Variants in STAC observed in about 807,000 individuals in gnomAD.
The protein encoded by STAC is SH3 and cysteine-rich domain-containing protein.
In STAC, 43 loss-of-function variants were observed where a neutral mutation model predicts 48.8. The ratio of observed to expected loss-of-function variants is 0.88; its 90% CI spans 0.69 to 1.14. The LOEUF (loss-of-function observed/expected upper bound fraction) is 1.14. Ranked by LOEUF, STAC falls within the 50% of genes most tolerant of loss-of-function variation. The pLI, the probability that STAC is intolerant of heterozygous loss-of-function variation, is 0.00. For missense variants in STAC, 497 were observed against 504.0 expected, an observed-to-expected ratio of 0.99 and a Z score of 0.13; for synonymous variants, 193 against 179.5, an observed-to-expected ratio of 1.07 and a Z score of -0.60.
At chr3:36,419,674 A>G (rs984780895) in intron 1 of STAC, among the ~76,000 whole-genome samples, 7 of 152,286 alleles carry the variant, frequency 4.6e-5, no homozygotes, top group African/African-American at 1.7e-4. Context: ...AGAGCAGACA[A>G]TGGTTTATAA....
chr3:36,524,379 G>A (rs1177130229), intron 8 of STAC, among the ~76,000 whole-genome samples: 5 of 152,088 alleles, frequency 3.3e-5, no homozygotes, highest in Non-Finnish European at 5.9e-5. Flanking sequence ...AGATCATGAG[G>A]TCAGGAGTTC....
intron 1 of STAC, among the ~76,000 whole-genome samples, chr3:36,410,405 ATTCT>A (rs1320237574): frequency 6.6e-6 from 1 of 152,132 alleles, no homozygotes; most frequent in Non-Finnish European, 1.5e-5. Context: ...CTTTATGAGG[ATTCT>A]TTCTTTAAAT....
chr3:36,484,919 T>A, intron 3 of STAC, 58 bp from the exon 4 acceptor site: 1 of 1,419,210 alleles, frequency 7.0e-7, no homozygotes, highest in Non-Finnish European at 9.6e-7. Flanking sequence ...GGAGCTCTTG[T>A]ATGGTTTTCT....
At position 36,514,204 on chromosome 3, in the gene STAC, CTTTTTTTTTTT is replaced by C. The variant is rs765548085; in HGVS notation, c.920+8391_920+8401del. 6.6e-3 allele frequency among the ~76,000 whole-genome samples: 240 copies of C among 36,442 alleles called. 6 individuals carry two copies. Among genetic ancestry groups the C allele is most frequent in the Middle Eastern group, 0.031 (1 of 32 alleles). 23.9% of individuals were successfully genotyped at this position (36,442 alleles called of 152,430 possible). On this transcript the variant is annotated intron_variant, in intron 8 of 10. Transcript: ENST00000273183. ...TCTCTGATCCATCTACACTGGCCTT[CTTTTTTTTTTT>C]TTTTTTTTTTTTTTTTTTTTCACAA...
intron 10 of STAC, among the ~76,000 whole-genome samples, chr3:36,536,009 T>A (rs1241821357): frequency 2.0e-5 from 3 of 152,192 alleles, no homozygotes; most frequent in African/African-American, 4.8e-5. Flanking sequence ...GGGTCCCTCC[T>A]TTTCAATTGT....
intron 1 of STAC, among the ~76,000 whole-genome samples, chr3:36,390,336 A>G (rs1699723384): frequency 2.0e-5 from 3 of 152,028 alleles, no homozygotes; most frequent in Admixed American, 2.0e-4. Context: ...AGTCTTTCTC[A>G]TTTTAAAGAT....
At position 36,505,771 on chromosome 3, in the gene STAC, A is replaced by G. The variant is rs1698387930; in HGVS notation, c.857A>G (p.Gln286Arg). ...HQGSLSKDPL[Q>R]MNTYVALYKF... ...GGATCTCTTTCCAAAGACCCATTAC[A>G]GATGAACACCTATGTTGCCTTGTAC... Residue 286 changes from glutamine to arginine, a missense_variant, in exon 8 of 11, where the codon CAG (glutamine) becomes CGG (arginine). Physicochemically the swap from Gln to Arg is conservative, Grantham distance 43. Coordinates refer to ENST00000273183, the MANE Select transcript of STAC (RefSeq NM_003149.3). 1 of 1,606,984 alleles carries G rather than the reference A, an allele frequency of 6.2e-7. No homozygotes were observed. The highest frequency in any genetic ancestry group is 8.5e-7 in the Non-Finnish European group (1 of 1,177,660).
intron 1 of STAC, among the ~76,000 whole-genome samples, chr3:36,417,428 T>C (rs1043745203): frequency 3.3e-5 from 5 of 152,160 alleles, no homozygotes; most frequent in African/African-American, 1.2e-4. Context: ...AGTGTACTTA[T>C]ACACACACAA....
chr3:36,490,908 C>T (rs1231925362), intron 5 of STAC, among the ~76,000 whole-genome samples: 2 of 152,162 alleles, frequency 1.3e-5, no homozygotes, highest in Non-Finnish European at 2.9e-5. Flanking sequence ...CATTTATCAC[C>T]GTCCACTTAT....
intron 10 of STAC, among the ~76,000 whole-genome samples, chr3:36,541,905 T>A (rs1195021818): frequency 6.6e-6 from 1 of 152,172 alleles, no homozygotes; most frequent in Admixed American, 6.5e-5. Context: ...ATGATGCTCA[T>A]GTCAACAAGC....
At chr3:36,487,656 A>T (rs748577735) in intron 5 of STAC, among the ~76,000 whole-genome samples, 70 of 152,302 alleles carry the variant, frequency 4.6e-4, no homozygotes, top group Middle Eastern at 3.4e-3. Context: ...TACCATTTTT[A>T]AAAAAATACA....
At chr3:36,473,559 C>T (rs1230269939) in intron 2 of STAC, among the ~76,000 whole-genome samples, 1 of 152,182 alleles carries the variant, frequency 6.6e-6, no homozygotes, top group Non-Finnish European at 1.5e-5. Flanking sequence ...CAGACTGAGG[C>T]TCAGAGATCA....
At chr3:36,540,751 G>A (rs1325071832) in intron 10 of STAC, among the ~76,000 whole-genome samples, 1 of 151,990 alleles carries the variant, frequency 6.6e-6, no homozygotes, top group East Asian at 1.9e-4. Flanking sequence ...AAGAAAGGAA[G>A]GAATAGAGCC....
rs534569826 is a variant in STAC at position 36,455,752 on chromosome 3, A to T, written c.388+12112A>T. 3.5e-5 allele frequency among the ~76,000 whole-genome samples: 5 copies of T among 142,036 alleles called. No homozygotes were observed. The East Asian group carries it at 9.9e-4, about 28-fold the overall frequency. The allele number at this position is 142,036 out of a possible 152,430, so 93.2% of individuals were successfully genotyped here. A position where few individuals can be genotyped will look rare whatever the true frequency, so the allele number is the denominator to read the frequency against. ...TTTGTAAATGTCTGGGACTCAGTGA[A>T]ACAGGCAGGTGTGTGTGTGTGTGTG... On this transcript the variant is annotated intron_variant, in intron 2 of 10. Coordinates refer to ENST00000273183, the MANE Select transcript of STAC (RefSeq NM_003149.3).
rs546521017 is a variant in STAC at position 36,547,289 on chromosome 3, G to A, written c.*1000G>A. 1.7e-3 allele frequency: 256 copies of A among 152,648 alleles called. No homozygotes were observed. In the Middle Eastern group the frequency reaches 0.024, roughly 14 times the overall value. 9.5% of individuals were successfully genotyped at this position (152,648 alleles called of 1,614,324 possible). A position where few individuals can be genotyped will look rare whatever the true frequency, so the allele number is the denominator to read the frequency against. Reference sequence around the variant, plus strand: ...GGAACATGGAGGGGAACCAACAACAGCATCTTAGAAGAAATGTAGCCAAAT... The same window carrying A: ...GGAACATGGAGGGGAACCAACAACAACATCTTAGAAGAAATGTAGCCAAAT... On this transcript the variant is annotated 3_prime_UTR_variant, in exon 11 of 11. Transcript: ENST00000273183.
chr3:36,397,407 T>C (rs188674329), intron 1 of STAC, among the ~76,000 whole-genome samples: 67 of 152,354 alleles, frequency 4.4e-4, no homozygotes, highest in Non-Finnish European at 8.7e-4. Flanking sequence ...ATATAAGATT[T>C]CATTATTGTA....
intron 1 of STAC, among the ~76,000 whole-genome samples, chr3:36,433,301 C>G (rs918189276): frequency 3.3e-5 from 5 of 152,082 alleles, no homozygotes; most frequent in African/African-American, 1.2e-4. Flanking sequence ...GCATGGGGTG[C>G]AGGAGGGGAT....
At chr3:36,444,779 G>A (rs1696460716) in intron 2 of STAC, among the ~76,000 whole-genome samples, 1 of 151,718 alleles carries the variant, frequency 6.6e-6, no homozygotes, top group Admixed American at 6.6e-5. Flanking sequence ...CTGGATTACT[G>A]ATCTTTTTTT....
At chr3:36,514,036 A>G (rs1698606267) in intron 8 of STAC, among the ~76,000 whole-genome samples, 1 of 151,922 alleles carries the variant, frequency 6.6e-6, no homozygotes, top group African/African-American at 2.4e-5. Flanking sequence ...GACTTGTAAA[A>G]GGAGATAATC....
Sources: gnomAD v4.1 joint callset for allele counts (sites outside exome capture counted in the v4.1 genomes callset) on GRCh38, gnomAD v4.1.1 for gene constraint, MANE v1.5 for transcripts, NCBI Gene and HGNC (gene_info 2026-07-23, HGNC 2026-07-21) for gene names.